Variants in TGFB2 observed in about 807,000 individuals in gnomAD.
TGFB2 encodes the protein transforming growth factor beta-2 proprotein.
TGFB2 carries 13 observed loss-of-function variants against 42.7 expected under a neutral mutation model. That is an observed-to-expected ratio of 0.30 (90% CI 0.20 to 0.48). The LOEUF is 0.48. TGFB2 is among the 20% of genes least tolerant of loss of function. The pLI is 0.99. For missense variants in TGFB2, 390 were observed against 517.5 expected, an observed-to-expected ratio of 0.75 and a Z score of 2.39; for synonymous variants, 193 against 193.6, an observed-to-expected ratio of 1.00 and a Z score of 0.03.
At position 218,350,981 on chromosome 1, in the gene TGFB2, A is replaced by T. The variant is rs187951635; in HGVS notation, c.346+3934A>T. On this transcript the variant is annotated intron_variant, in intron 1 of 6. Coordinates refer to ENST00000366930, the MANE Select transcript of TGFB2 (RefSeq NM_003238.6). Reference sequence around the variant, plus strand: ...TACACTAAAAATATACAGCCTGAAAAATCACAATGAGATTCCCTTTGTAGT... The same window carrying T: ...TACACTAAAAATATACAGCCTGAAATATCACAATGAGATTCCCTTTGTAGT... Among the ~76,000 whole-genome samples, 441 of 152,364 alleles carry T rather than the reference A, an allele frequency of 2.9e-3. 2 individuals are homozygous for T. The highest frequency in any genetic ancestry group is 0.01 in the African/African-American group (421 of 41,586).
chr1:218,428,144 G>A (rs993573861), intron 2 of TGFB2, among the ~76,000 whole-genome samples: 4 of 152,178 alleles, frequency 2.6e-5, no homozygotes, highest in Non-Finnish European at 4.4e-5. Context: ...TTTGAGAAGT[G>A]TCTGTTCATA....
At chr1:218,360,943 C>A (rs887035093) in intron 1 of TGFB2, among the ~76,000 whole-genome samples, 2 of 152,172 alleles carry the variant, frequency 1.3e-5, no homozygotes, top group African/African-American at 4.8e-5. Flanking sequence ...CAACCTCCGC[C>A]TCCTGGGTTC....
At chr1:218,440,132 C>T (rs894439175) in intron 6 of TGFB2, among the ~76,000 whole-genome samples, 3 of 152,202 alleles carry the variant, frequency 2.0e-5, no homozygotes, top group Admixed American at 6.5e-5. Context: ...TCTCTTCATT[C>T]TGTTTTCAGA....
At position 218,364,450 on chromosome 1, in the gene TGFB2, C is replaced by T. The variant is rs114168920; in HGVS notation, c.346+17403C>T. Among the ~76,000 whole-genome samples, 137 of 152,298 alleles carry T rather than the reference C, an allele frequency of 9.0e-4. 1 individual carries two copies. The highest frequency in any genetic ancestry group is 2.9e-3 in the African/African-American group (122 of 41,552). On this transcript the variant is annotated intron_variant, in intron 1 of 6. Coordinates refer to ENST00000366930, the MANE Select transcript of TGFB2 (RefSeq NM_003238.6). ...AAGAATAGAGCTTGGGTGATCCTGACGCTCAAGGAATTCAGTGGCTAAAGT... is the reference window on the plus strand; with the variant it reads ...AAGAATAGAGCTTGGGTGATCCTGATGCTCAAGGAATTCAGTGGCTAAAGT...
rs191195289 is a variant in TGFB2, at chr1:218,362,463, C to G, written c.346+15416C>G. ...CATCTCATTTCAATTTTATAAAAAC[C>G]CTCAGAGGCAGGGTTACGTCTGCCT... On this transcript the variant is annotated intron_variant, in intron 1 of 6. Coordinates refer to ENST00000366930, the MANE Select transcript of TGFB2 (RefSeq NM_003238.6). Among the ~76,000 whole-genome samples the G allele has an allele frequency of 3.0e-3, 460 of 152,228 alleles. 7 individuals carry two copies. Among genetic ancestry groups the G allele is most frequent in the Non-Finnish European group, 2.3e-3 (154 of 68,024 alleles).
At chr1:218,389,957 A>G (rs1658267569) in intron 1 of TGFB2, among the ~76,000 whole-genome samples, 1 of 152,208 alleles carries the variant, frequency 6.6e-6, no homozygotes. Flanking sequence ...GGTAAGCCCC[A>G]TGCAGGCTTT....
At chr1:218,439,495 G>A (rs1660086400) in intron 6 of TGFB2, among the ~76,000 whole-genome samples, 1 of 152,222 alleles carries the variant, frequency 6.6e-6, no homozygotes, top group African/African-American at 2.4e-5. Context: ...GAAAACTCAT[G>A]TGTTCAGGGA....
intron 1 of TGFB2, among the ~76,000 whole-genome samples, chr1:218,347,951 T>C (rs865841727): frequency 1.3e-5 from 2 of 150,786 alleles, no homozygotes; most frequent in Admixed American, 1.3e-4. Context: ...TTTTTTTTTT[T>C]ACTGGCTTCT....
chr1:218,365,625 A>G (rs910883539), intron 1 of TGFB2, among the ~76,000 whole-genome samples: 3 of 150,690 alleles, frequency 2.0e-5, no homozygotes, highest in Admixed American at 2.0e-4. Flanking sequence ...GACCCCTTTC[A>G]GACCTTCCCT....
intron 1 of TGFB2, among the ~76,000 whole-genome samples, chr1:218,381,546 G>A (rs959961254): frequency 6.6e-6 from 1 of 152,154 alleles, no homozygotes. Flanking sequence ...GAGCCACAGC[G>A]CCCGACTGAA....
intron 1 of TGFB2, among the ~76,000 whole-genome samples, chr1:218,373,705 T>C (rs1657648796): frequency 6.6e-6 from 1 of 152,152 alleles, no homozygotes. Context: ...GATGATTAAT[T>C]TCCATTTAAA....
intron 2 of TGFB2, among the ~76,000 whole-genome samples, chr1:218,415,945 C>T (rs1189170954): frequency 6.6e-6 from 1 of 151,902 alleles, no homozygotes; most frequent in Admixed American, 6.6e-5. Context: ...TTCATATTTC[C>T]CCTAAGGTTG....
chr1:218,400,859 GCA>G (rs1658691221), intron 1 of TGFB2, among the ~76,000 whole-genome samples: 1 of 152,086 alleles, frequency 6.6e-6, no homozygotes, highest in Non-Finnish European at 1.5e-5. Flanking sequence ...GCCAGGGAAG[GCA>G]GGGTGAGATT....
chr1:218,393,698 GA>G (rs895454367), intron 1 of TGFB2, among the ~76,000 whole-genome samples: 1 of 151,942 alleles, frequency 6.6e-6, no homozygotes, highest in African/African-American at 2.4e-5. Context: ...GAGAGAAAAA[GA>G]AAAAAATAAA....
chr1:218,431,301 G>C (rs1176290900), intron 2 of TGFB2, among the ~76,000 whole-genome samples: 3 of 152,206 alleles, frequency 2.0e-5, no homozygotes, highest in Non-Finnish European at 4.4e-5. Flanking sequence ...GGATTTAAAA[G>C]AGAAAAAGCT....
At chr1:218,422,147 C>T (rs183965477) in intron 2 of TGFB2, among the ~76,000 whole-genome samples, 4 of 152,232 alleles carry the variant, frequency 2.6e-5, no homozygotes, top group Admixed American at 6.5e-5. Context: ...TAAAAGGGCA[C>T]TGAAGAGAGA....
At chr1:218,365,618 C>T (rs530271993) in intron 1 of TGFB2, among the ~76,000 whole-genome samples, 1 of 151,918 alleles carries the variant, frequency 6.6e-6, no homozygotes, top group Non-Finnish European at 1.5e-5. Flanking sequence ...CCCTGCAGAC[C>T]CCTTTCAGAC....
chr1:218,397,952 G>T (rs1658580320), intron 1 of TGFB2, among the ~76,000 whole-genome samples: 1 of 152,162 alleles, frequency 6.6e-6, no homozygotes, highest in South Asian at 2.1e-4. Context: ...GACCTTTCTG[G>T]CTTATCTTGG....
chr1:218,400,011 A>G (rs531797627), intron 1 of TGFB2, among the ~76,000 whole-genome samples: 2 of 152,332 alleles, frequency 1.3e-5, no homozygotes, highest in South Asian at 4.1e-4. Flanking sequence ...AAACAGGCTC[A>G]GAAAAGCCAG....
Sources: allele counts gnomAD v4.1 joint callset (sites outside exome capture counted in the v4.1 genomes callset), GRCh38; gene constraint gnomAD v4.1.1; transcripts MANE v1.5; gene names NCBI Gene and HGNC (gene_info 2026-07-23, HGNC 2026-07-21).